Variants in RSPO2 observed in about 807,000 individuals in gnomAD.
The protein encoded by RSPO2 is R-spondin 2.
RSPO2 carries 14 observed loss-of-function variants against 30.9 expected under a neutral mutation model. The ratio of observed to expected loss-of-function variants is 0.45; its 90% confidence interval spans 0.30 to 0.71. The LOEUF is 0.71. Ranked by LOEUF, RSPO2 falls within the 30% of genes least tolerant of loss-of-function variation. RSPO2 has a pLI of 0.08. For missense variants in RSPO2, 264 were observed against 301.9 expected, an observed-to-expected ratio of 0.87 and a Z score of 0.93; for synonymous variants, 107 against 96.4, an observed-to-expected ratio of 1.11 and a Z score of -0.64.
chr8:107,979,872 C>G (rs1454071290), intron 3 of RSPO2, among the ~76,000 whole-genome samples: 1 of 152,154 alleles, frequency 6.6e-6, no homozygotes, highest in African/African-American at 2.4e-5. Context: ...CCTAATTGGT[C>G]TCTGTGCCTC....
intron 3 of RSPO2, among the ~76,000 whole-genome samples, chr8:107,986,938 T>C (rs1199151605): frequency 6.6e-6 from 1 of 152,228 alleles, no homozygotes; most frequent in East Asian, 1.9e-4. Flanking sequence ...CTAAATCATA[T>C]GCCTTAAGAA....
intron 5 of RSPO2, among the ~76,000 whole-genome samples, chr8:107,956,583 A>T (rs952521752): frequency 2.6e-5 from 4 of 152,204 alleles, no homozygotes; most frequent in Non-Finnish European, 5.9e-5. Flanking sequence ...TGGCTAGGTC[A>T]AAATAAAGAG....
chr8:108,044,796 T>G (rs1193783274), intron 2 of RSPO2, among the ~76,000 whole-genome samples: 1 of 152,190 alleles, frequency 6.6e-6, no homozygotes, highest in Non-Finnish European at 1.5e-5. Flanking sequence ...CTTTCCACAG[T>G]GGCTAAACTA....
intron 2 of RSPO2, among the ~76,000 whole-genome samples, chr8:108,062,037 T>C (rs1048197820): frequency 2.6e-4 from 40 of 151,762 alleles, no homozygotes; most frequent in African/African-American, 9.3e-4. Flanking sequence ...TTTAAAGCAG[T>C]GTGTAGAGGG....
chr8:107,940,304 T>C (rs1736781270), intron 5 of RSPO2, among the ~76,000 whole-genome samples: 1 of 70,794 alleles, frequency 1.4e-5, no homozygotes. Flanking sequence ...CCAAGTTAAG[T>C]ATGTGTGTTT....
intron 2 of RSPO2, among the ~76,000 whole-genome samples, chr8:108,003,480 C>G (rs1241511404): frequency 6.6e-6 from 1 of 150,968 alleles, no homozygotes; most frequent in African/African-American, 2.4e-5. Context: ...CCCGGCCTAA[C>G]CACTGGTCTG....
intron 2 of RSPO2, among the ~76,000 whole-genome samples, chr8:108,022,932 A>C (rs1457692178): frequency 7.4e-5 from 11 of 149,264 alleles, no homozygotes; most frequent in East Asian, 1.9e-4. Flanking sequence ...AAAAAAAAAA[A>C]CAAAAAAAAA....
At chr8:107,921,810 C>A (rs1405535002) in intron 5 of RSPO2, among the ~76,000 whole-genome samples, 1 of 152,106 alleles carries the variant, frequency 6.6e-6, no homozygotes, top group East Asian at 1.9e-4. Context: ...ATATGCAAAT[C>A]AATACCAGTG....
chr8:108,061,373 G>C lies in RSPO2; in HGVS notation c.94+21172C>G, dbSNP rs1228573020. Among the ~76,000 whole-genome samples the C allele has an allele frequency of 1.3e-5, 2 of 151,662 alleles. 1 individual carries two copies. Among genetic ancestry groups the C allele is most frequent in the African/African-American group, 4.9e-5 (2 of 41,042 alleles). The stretch of plus-strand genomic sequence containing the variant: ...AGCAAATGGAAAACAAAAAAAGGAA[G>C]GGGTTGCAATCCTAGTCTCTGATAA... On this transcript the variant is annotated intron_variant, in intron 2 of 5. Coordinates refer to ENST00000276659, the MANE Select transcript of RSPO2 (RefSeq NM_178565.5).
chr8:108,080,138 C>T (rs1813148409), intron 2 of RSPO2, among the ~76,000 whole-genome samples: 1 of 152,182 alleles, frequency 6.6e-6, no homozygotes, highest in Non-Finnish European at 1.5e-5. Context: ...TCAATACTCT[C>T]ACAATGCAAT....
At chr8:108,017,027 T>G (rs1300332413) in intron 2 of RSPO2, among the ~76,000 whole-genome samples, 1 of 151,612 alleles carries the variant, frequency 6.6e-6, no homozygotes, top group Non-Finnish European at 1.5e-5. Context: ...TTTTTTTTCT[T>G]TTTTTTTGAG....
At chr8:107,922,046 A>T (rs183704494) in intron 5 of RSPO2, among the ~76,000 whole-genome samples, 37 of 152,296 alleles carry the variant, frequency 2.4e-4, no homozygotes, top group South Asian at 8.3e-4. Flanking sequence ...GGCACGAGAC[A>T]AGGATGTCCT....
At chr8:108,054,022 G>C (rs895420733) in intron 2 of RSPO2, among the ~76,000 whole-genome samples, 1 of 151,986 alleles carries the variant, frequency 6.6e-6, no homozygotes, top group Non-Finnish European at 1.5e-5. Flanking sequence ...GCACTCTCTC[G>C]AGTTGTTTTT....
chr8:108,067,662 CTA>C (rs1406325258), intron 2 of RSPO2, among the ~76,000 whole-genome samples: 1 of 152,212 alleles, frequency 6.6e-6, no homozygotes, highest in East Asian at 1.9e-4. Flanking sequence ...GCATTTGACA[CTA>C]TTCAAAATCA....
chr8:108,062,667 T>C (rs565994100), intron 2 of RSPO2, among the ~76,000 whole-genome samples: 1 of 151,834 alleles, frequency 6.6e-6, no homozygotes, highest in Admixed American at 6.5e-5. Flanking sequence ...GACGGAATCC[T>C]CCCTAACTCA....
chr8:107,909,459 C>T (rs762189671), intron 5 of RSPO2, among the ~76,000 whole-genome samples: 14 of 151,978 alleles, frequency 9.2e-5, no homozygotes, highest in Non-Finnish European at 1.5e-4. Context: ...GACAGGTTTT[C>T]ACCATGTTGG....
At chr8:107,948,148 CT>C (rs1195538885) in intron 5 of RSPO2, among the ~76,000 whole-genome samples, 1 of 152,172 alleles carries the variant, frequency 6.6e-6, no homozygotes, top group Non-Finnish European at 1.5e-5. Context: ...TAAGCTTTGC[CT>C]TTTATCTTTA....
intron 2 of RSPO2, among the ~76,000 whole-genome samples, chr8:108,067,541 C>T (rs1000649966): frequency 2.6e-5 from 4 of 152,110 alleles, no homozygotes; most frequent in Non-Finnish European, 5.9e-5. Flanking sequence ...GGATTCATCA[C>T]ATTACTTTTT....
chr8:107,942,913 C>A (rs1322282349), intron 5 of RSPO2, among the ~76,000 whole-genome samples: 1 of 152,168 alleles, frequency 6.6e-6, no homozygotes, highest in Non-Finnish European at 1.5e-5. Flanking sequence ...CAGTAGCGGA[C>A]AAATGCACTA....
Sources: gnomAD v4.1 joint callset for allele counts (sites outside exome capture counted in the v4.1 genomes callset) on GRCh38, gnomAD v4.1.1 for gene constraint, MANE v1.5 for transcripts, NCBI Gene and HGNC (gene_info 2026-07-23, HGNC 2026-07-21) for gene names.